Variants in CADM2 observed in about 807,000 individuals in gnomAD.
CADM2 encodes the protein immunoglobulin superfamily member 4D.
Under a neutral mutation model 49.8 loss-of-function variants are expected in CADM2, and 12 were observed. The ratio of observed to expected loss-of-function variants is 0.24; its 90% CI spans 0.15 to 0.39. The LOEUF (loss-of-function observed/expected upper bound fraction) is 0.39, where lower values mean the gene tolerates loss of function less well. Among genes scored for constraint, CADM2 ranks in the 10% least tolerant of loss-of-function variants. CADM2 has a pLI of 1.00. For synonymous variants in CADM2, 214 were observed against 175.4 expected (o/e 1.22, Z -1.74); for missense variants, 378 against 492.3 (o/e 0.77, Z 2.20).
intron 1 of CADM2, among the ~76,000 whole-genome samples, chr3:85,348,040 C>A (rs2030944350): frequency 6.6e-6 from 1 of 152,090 alleles, no homozygotes; most frequent in Admixed American, 6.6e-5. Context: ...AACTCCTGAA[C>A]CTCAATTGAT....
intron 5 of CADM2, among the ~76,000 whole-genome samples, chr3:85,894,440 T>G (rs984259644): frequency 1.3e-5 from 2 of 152,056 alleles, no homozygotes; most frequent in African/African-American, 4.8e-5. Context: ...GGCACATGTA[T>G]ACATATGTAA....
intron 1 of CADM2, among the ~76,000 whole-genome samples, chr3:85,331,938 A>G (rs553258697): frequency 6.6e-6 from 1 of 152,244 alleles, no homozygotes; most frequent in East Asian, 1.9e-4. Flanking sequence ...TCATTTGCAC[A>G]TAAATAAATC....
intron 2 of CADM2, among the ~76,000 whole-genome samples, chr3:85,796,163 G>A (rs1043001129): frequency 1.3e-5 from 2 of 152,104 alleles, no homozygotes; most frequent in African/African-American, 2.4e-5. Flanking sequence ...ATTTTTATTA[G>A]CAATTGCGTG....
intron 1 of CADM2, among the ~76,000 whole-genome samples, chr3:85,299,804 T>A (rs2044050512): frequency 6.6e-6 from 1 of 152,068 alleles, no homozygotes; most frequent in Admixed American, 6.6e-5. Context: ...GGAACTCAGA[T>A]TGTTTGGAAA....
At chr3:85,028,677 G>A (rs1179171031) in intron 1 of CADM2, among the ~76,000 whole-genome samples, 1 of 151,988 alleles carries the variant, frequency 6.6e-6, no homozygotes, top group Non-Finnish European at 1.5e-5. Flanking sequence ...TTTGATGTGA[G>A]CATACAGAAG....
intron 1 of CADM2, among the ~76,000 whole-genome samples, chr3:85,500,721 G>A (rs1379364192): frequency 1.3e-5 from 2 of 152,010 alleles, no homozygotes; most frequent in African/African-American, 4.8e-5. Flanking sequence ...GTTTCCCCGT[G>A]TTAGCCAGGA....
intron 1 of CADM2, among the ~76,000 whole-genome samples, chr3:85,009,870 A>G (rs1190673361): frequency 2.7e-5 from 2 of 75,208 alleles, no homozygotes; most frequent in Admixed American, 3.4e-4. Context: ...TATCTCAATA[A>G]ATAAATAAAT....
intron 5 of CADM2, among the ~76,000 whole-genome samples, chr3:85,910,198 C>T (rs1290163139): frequency 6.6e-6 from 1 of 152,080 alleles, no homozygotes; most frequent in African/African-American, 2.4e-5. Context: ...AAGTAAACAA[C>T]CAGCAGTAAT....
chr3:85,827,576 C>T (rs2073978326), intron 3 of CADM2, among the ~76,000 whole-genome samples: 1 of 151,846 alleles, frequency 6.6e-6, no homozygotes, highest in Admixed American at 6.6e-5. Context: ...TTTTCTATCT[C>T]TTTTATTATT....
At chr3:85,886,921 A>C (rs1253082626) in intron 5 of CADM2, among the ~76,000 whole-genome samples, 1 of 152,134 alleles carries the variant, frequency 6.6e-6, no homozygotes, top group Non-Finnish European at 1.5e-5. Flanking sequence ...GGAGGGGAAT[A>C]AGTTTATAAG....
intron 6 of CADM2, among the ~76,000 whole-genome samples, chr3:85,922,344 A>G (rs183889298): frequency 1.3e-5 from 2 of 152,136 alleles, no homozygotes; most frequent in Admixed American, 6.6e-5. Flanking sequence ...TTAATCCTCA[A>G]TGTATCAGGA....
At chr3:85,812,458 T>A (rs542036356) in intron 3 of CADM2, among the ~76,000 whole-genome samples, 10 of 152,264 alleles carry the variant, frequency 6.6e-5, no homozygotes, top group Admixed American at 5.2e-4. Context: ...GGTGACATAG[T>A]GTCTCCATGT....
chr3:85,891,890 G>C (rs1206075931), intron 5 of CADM2, among the ~76,000 whole-genome samples: 1 of 152,192 alleles, frequency 6.6e-6, no homozygotes, highest in Non-Finnish European at 1.5e-5. Context: ...CAGAGGACAA[G>C]GCTTAGCCAT....
In CADM2 at chr3:85,635,015, C is replaced by T. The variant is rs4361288; in HGVS notation, c.62-91507C>T. Among the ~76,000 whole-genome samples the T allele has an allele frequency of 2.0e-5, 3 of 151,872 alleles. No homozygotes were observed. In the East Asian group the frequency reaches 5.8e-4, roughly 29 times the overall value. ...CCTATGTGATGGGAGTGCTGTTAAA[C>T]CAAATTATTTGATCCATGAGAAATA... On this transcript the variant is annotated intron_variant, in intron 1 of 9. Coordinates refer to ENST00000383699, the MANE Select transcript of CADM2 (RefSeq NM_001167675.2).
At position 86,070,865 on chromosome 3, in the gene CADM2, A is replaced by T. The variant is rs909298083; in HGVS notation, c.*4082A>T. 6.6e-6 allele frequency: 1 copy of T among 151,952 alleles called. No individual in the cohort carries two copies. Among genetic ancestry groups the T allele is most frequent in the Admixed American group, 6.6e-5 (1 of 15,254 alleles). The allele number at this position is 151,952 out of a possible 1,614,324, so 9.4% of individuals were successfully genotyped here. On this transcript the variant is annotated 3_prime_UTR_variant, in exon 10 of 10. Coordinates refer to ENST00000383699, the MANE Select transcript of CADM2 (RefSeq NM_001167675.2). ...TGGGAAAGAGGAAATCTTAGTGTAG[A>T]TAATAGAATTTGTTTTGAAATATAC... is the stretch of plus-strand genomic sequence containing the variant.
intron 1 of CADM2, among the ~76,000 whole-genome samples, chr3:85,303,666 C>G (rs1041207245): frequency 1.3e-5 from 2 of 151,904 alleles, no homozygotes; most frequent in African/African-American, 4.8e-5. Context: ...TTGACTTTCT[C>G]TTGGTATCAA....
chr3:85,637,626 T>TAA (rs2064549843), intron 1 of CADM2, among the ~76,000 whole-genome samples: 1 of 141,060 alleles, frequency 7.1e-6, no homozygotes, highest in Non-Finnish European at 1.5e-5. Flanking sequence ...AAAAAAAAAA[T>TAA]AAAATAAAAT....
chr3:85,877,278 T>C (rs1463511306), intron 3 of CADM2, among the ~76,000 whole-genome samples: 2 of 152,180 alleles, frequency 1.3e-5, no homozygotes, highest in African/African-American at 4.8e-5. Context: ...TATTCATTCC[T>C]AGTTTAATGT....
intron 1 of CADM2, among the ~76,000 whole-genome samples, chr3:85,408,508 T>C (rs369432438): frequency 2.0e-5 from 3 of 152,290 alleles, no homozygotes; most frequent in East Asian, 3.9e-4. Flanking sequence ...AGGAGTGAAA[T>C]TGCGTAGCAA....
Sources: gnomAD v4.1 joint callset for allele counts (sites outside exome capture counted in the v4.1 genomes callset) on GRCh38, gnomAD v4.1.1 for gene constraint, MANE v1.5 for transcripts, NCBI Gene and HGNC (gene_info 2026-07-23, HGNC 2026-07-21) for gene names.